The following ST7 variants were observed in gnomAD, a reference collection of about 807,000 sequenced individuals.
ST7 encodes the protein suppression of tumorigenicity 7.
A neutral mutation model predicts 78.7 loss-of-function variants in ST7; 28 were observed. That is an observed-to-expected ratio of 0.36 (90% confidence interval 0.26 to 0.49). The LOEUF (loss-of-function observed/expected upper bound fraction) is 0.49, where lower values mean the gene tolerates loss of function less well. Ranked by LOEUF, ST7 falls within the 20% of genes least tolerant of loss-of-function variation. The pLI, the probability that ST7 is intolerant of heterozygous loss-of-function variation, is 0.99. For missense variants in ST7, 418 were observed against 696.0 expected (o/e 0.60, Z 4.49); for synonymous variants, 247 against 249.6 (o/e 0.99, Z 0.10).
At chr7:116,961,514 C>T (rs1246537655) in intron 1 of ST7, among the ~76,000 whole-genome samples, 1 of 150,226 alleles carries the variant, frequency 6.7e-6, no homozygotes, top group Non-Finnish European at 1.5e-5. Context: ...TATAGTTCTT[C>T]GTGTAGTGAT....
intron 1 of ST7, among the ~76,000 whole-genome samples, chr7:117,009,652 C>T (rs1219148367): frequency 6.6e-6 from 1 of 152,092 alleles, no homozygotes; most frequent in Non-Finnish European, 1.5e-5. Context: ...TTTCTCATGA[C>T]TGCTAATTAT....
intron 12 of ST7, among the ~76,000 whole-genome samples, chr7:117,206,377 G>A (rs1791756174): frequency 6.6e-6 from 1 of 152,120 alleles, no homozygotes; most frequent in Non-Finnish European, 1.5e-5. Context: ...GGTGTGGGGA[G>A]GGGAAATTAA....
At chr7:116,982,414 G>A (rs2116333378) in intron 1 of ST7, among the ~76,000 whole-genome samples, 1 of 152,060 alleles carries the variant, frequency 6.6e-6, no homozygotes, top group East Asian at 1.9e-4. Flanking sequence ...AGTGGAGATG[G>A]GGTTTCTCCA....
chr7:117,218,993 T>C, intron 13 of ST7, 91 bp from the exon 14 acceptor site: 1 of 953,552 alleles, frequency 1.0e-6, no homozygotes, highest in Non-Finnish European at 1.6e-6. Flanking sequence ...AAGTGTTCCC[T>C]GTTATAAAAA....
At chr7:117,066,517 C>T (rs1584554513) in intron 1 of ST7, among the ~76,000 whole-genome samples, 1 of 151,994 alleles carries the variant, frequency 6.6e-6, no homozygotes. Context: ...ATCCCAGCAC[C>T]TTGGGAGGCT....
At chr7:117,090,993 T>C (rs1459223141) in intron 1 of ST7, among the ~76,000 whole-genome samples, 2 of 152,164 alleles carry the variant, frequency 1.3e-5, no homozygotes, top group African/African-American at 4.8e-5. Flanking sequence ...AGACCACAAC[T>C]GAGGAAAGAA....
intron 1 of ST7, among the ~76,000 whole-genome samples, chr7:117,087,576 C>G (rs1369158777): frequency 2.6e-5 from 4 of 152,290 alleles, no homozygotes; most frequent in East Asian, 3.9e-4. Context: ...GAGTTTTATT[C>G]ATAATTTACT....
At chr7:117,101,513 G>C (rs1213791591) in intron 2 of ST7, among the ~76,000 whole-genome samples, 1 of 152,180 alleles carries the variant, frequency 6.6e-6, no homozygotes, top group East Asian at 1.9e-4. Context: ...ACCTTGTCCA[G>C]TGAACTTAGG....
At chr7:117,135,867 G>GCTCT (rs1283969991) in intron 7 of ST7, among the ~76,000 whole-genome samples, 1 of 152,072 alleles carries the variant, frequency 6.6e-6, no homozygotes, top group African/African-American at 2.4e-5. Flanking sequence ...TGAGCCCCAT[G>GCTCT]CTCTTAACAC....
rs752913736 is a variant in ST7, at chr7:117,170,939, A to G, written c.1041A>G (p.Ala347=). 2 of 1,612,304 alleles carry G rather than the reference A, an allele frequency of 1.2e-6. No individual in the cohort carries two copies. Among genetic ancestry groups the G allele is most frequent in the South Asian group, 2.2e-5 (2 of 90,778 alleles). ...TAGAAGCCCTTCTGGAACTACAAGC[A>G]TATGCTGATGTTCAGGCAGTCTTAG... ...NLLEALLELQ[A]YADVQAVLAK... is the part of the protein sequence containing the mutation. The change falls in exon 10 of 16, where the codon GCA becomes GCG. Residue 347 remains alanine, a synonymous_variant. Transcript: ENST00000323984.
intron 1 of ST7, among the ~76,000 whole-genome samples, chr7:117,006,960 T>C (rs1442476256): frequency 6.6e-6 from 1 of 152,204 alleles, no homozygotes; most frequent in Non-Finnish European, 1.5e-5. Context: ...GGCTGCTCCA[T>C]TGACCTACCC....
chr7:116,981,839 T>G (rs538358559), intron 1 of ST7, among the ~76,000 whole-genome samples: 140 of 152,364 alleles, frequency 9.2e-4, no homozygotes, highest in African/African-American at 3.2e-3. Flanking sequence ...TGTACTGTAC[T>G]GTACATAATT....
chr7:117,065,904 G>A (rs1798610143), intron 1 of ST7, among the ~76,000 whole-genome samples: 1 of 152,130 alleles, frequency 6.6e-6, no homozygotes, highest in African/African-American at 2.4e-5. Flanking sequence ...CACTTGCTCA[G>A]TATCATCTGA....
At chr7:116,956,382 T>G (rs559215152) in intron 1 of ST7, 4 of 436,378 alleles carry the variant, frequency 9.2e-6, no homozygotes, top group South Asian at 7.0e-5. Flanking sequence ...TGCAGGGAGG[T>G]CTAAAAGAGT....
intron 1 of ST7, among the ~76,000 whole-genome samples, chr7:117,069,619 C>T (rs1295789309): frequency 6.6e-6 from 1 of 152,136 alleles, no homozygotes; most frequent in Non-Finnish European, 1.5e-5. Context: ...ACTGGAAGAT[C>T]CCCTTGACTT....
chr7:116,986,337 G>T (rs888029218), intron 1 of ST7, among the ~76,000 whole-genome samples: 3 of 152,172 alleles, frequency 2.0e-5, no homozygotes, highest in African/African-American at 7.2e-5. Flanking sequence ...TGGTCATGTA[G>T]GATAAGGGGT....
intron 12 of ST7, among the ~76,000 whole-genome samples, chr7:117,191,459 TC>T (rs1212009705): frequency 6.6e-6 from 1 of 152,218 alleles, no homozygotes; most frequent in Non-Finnish European, 1.5e-5. Context: ...AAAATATTTG[TC>T]TTAGTTATTA....
At chr7:117,142,747 G>A (rs141366773) in intron 9 of ST7, among the ~76,000 whole-genome samples, 158 of 152,248 alleles carry the variant, frequency 1.0e-3, no homozygotes, top group African/African-American at 3.5e-3. Context: ...GAGTACCTGG[G>A]ACTACAGGCG....
At chr7:116,993,409 G>A (rs768021964) in intron 1 of ST7, among the ~76,000 whole-genome samples, 4 of 152,154 alleles carry the variant, frequency 2.6e-5, no homozygotes, top group South Asian at 2.1e-4. Flanking sequence ...TAGAACCATC[G>A]TATCTCGTAA....
Sources: allele counts gnomAD v4.1 joint callset (sites outside exome capture counted in the v4.1 genomes callset), GRCh38; gene constraint gnomAD v4.1.1; transcripts MANE v1.5; gene names NCBI Gene and HGNC (gene_info 2026-07-23, HGNC 2026-07-21).